Variants in MAGI2 observed in about 807,000 individuals in gnomAD.
MAGI2 encodes membrane associated guanylate kinase, WW and PDZ domain containing 2.
A neutral mutation model predicts 133.3 loss-of-function variants in MAGI2; 35 were observed. The observed-to-expected ratio is 0.26, with a 90% CI of 0.20 to 0.35. The LOEUF (loss-of-function observed/expected upper bound fraction) is 0.35, where lower values mean the gene tolerates loss of function less well. Ranked by LOEUF, MAGI2 falls within the 10% of genes least tolerant of loss-of-function variation. MAGI2 has a pLI of 1.00. For synonymous variants in MAGI2, 729 were observed against 710.6 expected (o/e 1.03, Z -0.41); for missense variants, 1,636 against 1,863.4 (o/e 0.88, Z 2.25).
At chr7:78,835,716 A>G (rs1791564138) in intron 2 of MAGI2, among the ~76,000 whole-genome samples, 1 of 152,234 alleles carries the variant, frequency 6.6e-6, no homozygotes. Flanking sequence ...AGCATAAGCC[A>G]GAAAGGATGG....
rs535566789 is a variant in MAGI2, at chr7:79,335,189, A to G, written c.301+117831T>C. On this transcript the variant is annotated intron_variant, in intron 1 of 21. Coordinates refer to ENST00000354212, the MANE Select transcript of MAGI2 (RefSeq NM_012301.4). ...AGATTTTACACAATTGACAACATAA[A>G]TCACCTTTTCTTAACAAAAATAAAA... is the stretch of plus-strand genomic sequence containing the variant. 3.3e-5 allele frequency among the ~76,000 whole-genome samples: 5 copies of G among 152,264 alleles called. No individual in the cohort carries two copies. The South Asian group carries it at 6.2e-4, about 19-fold the overall frequency.
At chr7:79,229,512 A>G (rs1311008907) in intron 1 of MAGI2, among the ~76,000 whole-genome samples, 1 of 152,200 alleles carries the variant, frequency 6.6e-6, no homozygotes, top group Non-Finnish European at 1.5e-5. Flanking sequence ...CTGTTTTTGA[A>G]TCAGTTACCA....
chr7:79,184,682 C>A (rs1438618095), intron 1 of MAGI2, among the ~76,000 whole-genome samples: 1 of 151,632 alleles, frequency 6.6e-6, no homozygotes, highest in Non-Finnish European at 1.5e-5. Context: ...CCTCGTAAAG[C>A]AGTTATAAAA....
chr7:79,214,609 A>C (rs1829846652), intron 1 of MAGI2, among the ~76,000 whole-genome samples: 2 of 141,546 alleles, frequency 1.4e-5, no homozygotes, highest in African/African-American at 2.6e-5. Context: ...AAACAAAAGA[A>C]AAATTTATAT....
At position 79,399,095 on chromosome 7, in the gene MAGI2, C is replaced by CTTTTTTTTTTTTTTTTTTTTTTTTT. The variant is rs767332496; in HGVS notation, c.301+53924_301+53925insAAAAAAAAAAAAAAAAAAAAAAAAA. Among the ~76,000 whole-genome samples, 395 of 106,138 alleles carry CTTTTTTTTTTTTTTTTTTTTTTTTT rather than the reference C, an allele frequency of 3.7e-3. 26 individuals carry two copies. The highest frequency in any genetic ancestry group is 9.8e-3 in the East Asian group (31 of 3,156). 69.6% of individuals were successfully genotyped at this position (106,138 alleles called of 152,430 possible). A position where few individuals can be genotyped will look rare whatever the true frequency, so the allele number is the denominator to read the frequency against. Reference sequence around the variant, plus strand: ...GTATTATTTCTTTTTTTTTTCTTTTCTTTTTTTTTTTTTTTGGGAGATGGA... The same window carrying CTTTTTTTTTTTTTTTTTTTTTTTTT: ...GTATTATTTCTTTTTTTTTTCTTTTCTTTTTTTTTTTTTTTTTTTTTTTTTTTTTTTTTTTTTTTTGGGAGATGGA... On this transcript the variant is annotated intron_variant, in intron 1 of 21. Transcript: ENST00000354212.
At chr7:78,383,594 A>T (rs1268780284) in intron 6 of MAGI2, among the ~76,000 whole-genome samples, 1 of 151,958 alleles carries the variant, frequency 6.6e-6, no homozygotes, top group African/African-American at 2.4e-5. Context: ...CTGTGCAGAA[A>T]TTTTTAGTTT....
intron 3 of MAGI2, among the ~76,000 whole-genome samples, chr7:78,569,649 T>C (rs1266838519): frequency 6.6e-6 from 1 of 152,200 alleles, no homozygotes; most frequent in Non-Finnish European, 1.5e-5. Context: ...AATTTAAAAC[T>C]TTTTACTTAT....
At chr7:78,101,785 T>C (rs1202062063) in intron 20 of MAGI2, among the ~76,000 whole-genome samples, 1 of 152,156 alleles carries the variant, frequency 6.6e-6, no homozygotes, top group Non-Finnish European at 1.5e-5. Context: ...ACAGCCATGA[T>C]GAAAAATGTA....
intron 3 of MAGI2, among the ~76,000 whole-genome samples, chr7:78,555,875 A>G (rs1799778182): frequency 6.6e-6 from 1 of 152,122 alleles, no homozygotes; most frequent in South Asian, 2.1e-4. Flanking sequence ...TACAACCTCC[A>G]CTCTTACCAC....
At chr7:78,393,058 G>A (rs1220376559) in intron 6 of MAGI2, among the ~76,000 whole-genome samples, 2 of 152,198 alleles carry the variant, frequency 1.3e-5, no homozygotes, top group African/African-American at 4.8e-5. Context: ...GAACCAGGAG[G>A]TGAATGGGTT....
intron 2 of MAGI2, among the ~76,000 whole-genome samples, chr7:78,672,125 T>A (rs986239091): frequency 1.3e-5 from 2 of 152,212 alleles, no homozygotes; most frequent in Admixed American, 6.6e-5. Flanking sequence ...ATCCTTTGGA[T>A]GTTTGGCCCC....
intron 9 of MAGI2, among the ~76,000 whole-genome samples, chr7:78,271,126 T>C (rs1794530163): frequency 6.6e-6 from 1 of 152,178 alleles, no homozygotes; most frequent in Non-Finnish European, 1.5e-5. Context: ...GCTCTTATTA[T>C]TTTGAGATAT....
chr7:79,171,743 A>ATATATATATATATATATAT lies in MAGI2; in HGVS notation c.302-164538_302-164537insATATATATATATATATATA. ...AAAATTAAGCAAGACAATAGCCAAA[A>ATATATATATATATATATAT]ATATATATATATATATATATATATA... On this transcript the variant is annotated intron_variant, in intron 1 of 21. Coordinates refer to ENST00000354212, the MANE Select transcript of MAGI2 (RefSeq NM_012301.4). 2.8e-3 allele frequency among the ~76,000 whole-genome samples: 84 copies of ATATATATATATATATATAT among 29,554 alleles called. 33 individuals are homozygous for ATATATATATATATATATAT. The highest frequency in any genetic ancestry group is 7.6e-3 in the Non-Finnish European group (60 of 7,928). The allele number at this position is 29,554 out of a possible 152,430, so 19.4% of individuals were successfully genotyped here.
At chr7:78,782,343 G>A (rs1826463274) in intron 2 of MAGI2, among the ~76,000 whole-genome samples, 2 of 152,184 alleles carry the variant, frequency 1.3e-5, no homozygotes, top group Admixed American at 1.3e-4. Flanking sequence ...ATTCTTCGCT[G>A]TTCTAACTTC....
At chr7:78,582,699 T>C (rs745769748) in intron 3 of MAGI2, among the ~76,000 whole-genome samples, 2 of 152,192 alleles carry the variant, frequency 1.3e-5, no homozygotes, top group Non-Finnish European at 2.9e-5. Flanking sequence ...TAAAACATTT[T>C]CTTAACACTA....
intron 2 of MAGI2, among the ~76,000 whole-genome samples, chr7:78,939,609 T>C (rs1266230221): frequency 6.6e-6 from 1 of 152,172 alleles, no homozygotes; most frequent in Non-Finnish European, 1.5e-5. Context: ...TGTTCAACAT[T>C]AATAATAAAA....
chr7:79,242,292 T>C (rs527912591), intron 1 of MAGI2, among the ~76,000 whole-genome samples: 1 of 152,278 alleles, frequency 6.6e-6, no homozygotes, highest in South Asian at 2.1e-4. Flanking sequence ...CATGAACATA[T>C]ACAATTTTTA....
At chr7:78,810,741 C>G (rs1788975908) in intron 2 of MAGI2, among the ~76,000 whole-genome samples, 1 of 151,996 alleles carries the variant, frequency 6.6e-6, no homozygotes, top group Non-Finnish European at 1.5e-5. Flanking sequence ...AAAACAAACT[C>G]ACTTATTTCT....
intron 16 of MAGI2, among the ~76,000 whole-genome samples, chr7:78,137,726 T>C (rs1224653050): frequency 1.3e-5 from 2 of 152,158 alleles, no homozygotes; most frequent in African/African-American, 2.4e-5. Flanking sequence ...AAAAAGACGA[T>C]GTTGCAGGTC....
Sources: allele counts gnomAD v4.1 joint callset (sites outside exome capture counted in the v4.1 genomes callset), GRCh38; gene constraint gnomAD v4.1.1; transcripts MANE v1.5; gene names NCBI Gene and HGNC (gene_info 2026-07-23, HGNC 2026-07-21).